The following STK32B variants were observed in gnomAD, a reference collection of about 807,000 sequenced individuals.
STK32B encodes serine/threonine kinase 32B, also known as serine/threonine-protein kinase 32B.
A neutral mutation model predicts 52.6 loss-of-function variants in STK32B; 43 were observed. That is an observed-to-expected ratio of 0.82 (90% CI 0.64 to 1.05). STK32B has a LOEUF of 1.05. Among genes scored for constraint, STK32B ranks in the 50% least tolerant of loss-of-function variants. STK32B has a pLI of 0.00. For synonymous variants in STK32B, 238 were observed against 204.3 expected (o/e 1.17, Z -1.41); for missense variants, 621 against 534.6 (o/e 1.16, Z -1.59).
At chr4:5,424,777 C>T (rs1222301764) in intron 6 of STK32B, among the ~76,000 whole-genome samples, 2 of 112,024 alleles carry the variant, frequency 1.8e-5, no homozygotes, top group African/African-American at 6.8e-5. Context: ...GTAACACAAA[C>T]AGGGCTGAAA....
At chr4:5,369,581 C>T (rs1177405474) in intron 4 of STK32B, among the ~76,000 whole-genome samples, 1 of 152,106 alleles carries the variant, frequency 6.6e-6, no homozygotes, top group Non-Finnish European at 1.5e-5. Flanking sequence ...AGAAGGTGGG[C>T]GTCCTCATGG....
chr4:5,220,137 C>T (rs1412603732), intron 3 of STK32B, among the ~76,000 whole-genome samples: 1 of 152,116 alleles, frequency 6.6e-6, no homozygotes, highest in African/African-American at 2.4e-5. Flanking sequence ...TTTAGAGTCC[C>T]AACCAGAAGA....
chr4:5,467,890 G>A lies in STK32B; in HGVS notation c.1042-116G>A, dbSNP rs906887365. 6.7e-5 allele frequency: 79 copies of A among 1,173,396 alleles called. 2 individuals carry two copies. The South Asian group carries it at 8.1e-4, about 12-fold the overall frequency. 72.7% of individuals were successfully genotyped at this position (1,173,396 alleles called of 1,614,324 possible). On this transcript the variant is annotated intron_variant, in intron 10 of 11. Transcript: ENST00000282908. This position sits in a 1 kb window ranked among gnomAD's most constrained non-coding sequence, Gnocchi z 5.8. The stretch of plus-strand genomic sequence containing the variant: ...CCAGACACTTAGCTTGGCTTGTCCC[G>A]GTCCCAAGCATCTGAGGTTTCCATC...
chr4:5,148,043 T>G (rs1717048924), intron 2 of STK32B, among the ~76,000 whole-genome samples: 1 of 151,942 alleles, frequency 6.6e-6, no homozygotes, highest in African/African-American at 2.4e-5. Context: ...TTCTTTCTAG[T>G]AAGGCTTTTG....
At chr4:5,443,455 C>G (rs1714997449) in intron 6 of STK32B, among the ~76,000 whole-genome samples, 1 of 152,216 alleles carries the variant, frequency 6.6e-6, no homozygotes, top group East Asian at 1.9e-4. Context: ...TCAGCTCCAT[C>G]AGCTCCTTTA....
intron 1 of STK32B, among the ~76,000 whole-genome samples, chr4:5,079,588 C>T (rs187579313): frequency 5.5e-4 from 84 of 152,172 alleles, no homozygotes; most frequent in Middle Eastern, 3.4e-3. Context: ...TTATCTTCAC[C>T]CTTAAACAGC....
In STK32B at chr4:5,172,932, C is replaced by G. The variant is rs532544663; in HGVS notation, c.260+4482C>G. ...TAGTAGAATTCGGCTGTGAATCCGT[C>G]TGGTCCTGGAATTTTTTTAGTTGGT... On this transcript the variant is annotated intron_variant, in intron 3 of 11. Transcript: ENST00000282908. Among the ~76,000 whole-genome samples the G allele has an allele frequency of 2.0e-5, 3 of 152,300 alleles. No homozygotes were observed. The South Asian group carries it at 6.2e-4, about 32-fold the overall frequency.
At chr4:5,322,978 C>T (rs1000987078) in intron 3 of STK32B, among the ~76,000 whole-genome samples, 1 of 152,192 alleles carries the variant, frequency 6.6e-6, no homozygotes, top group Non-Finnish European at 1.5e-5. Context: ...GACCTAGTGA[C>T]CTTGGACCAG....
At chr4:5,126,952 G>A (rs1715401383) in intron 1 of STK32B, among the ~76,000 whole-genome samples, 2 of 152,118 alleles carry the variant, frequency 1.3e-5, no homozygotes, top group Admixed American at 6.5e-5. Flanking sequence ...AAGGGGAGTG[G>A]TGATAGGTAA....
intron 9 of STK32B, among the ~76,000 whole-genome samples, chr4:5,462,110 C>T (rs1423218748): frequency 6.6e-6 from 1 of 151,844 alleles, no homozygotes; most frequent in African/African-American, 2.4e-5. Context: ...TGTGTGTATG[C>T]CTGTGCATCT....
At chr4:5,268,369 C>T (rs903699616) in intron 3 of STK32B, among the ~76,000 whole-genome samples, 2 of 152,092 alleles carry the variant, frequency 1.3e-5, no homozygotes, top group African/African-American at 2.4e-5. Context: ...CTGCCTCGAC[C>T]GCTCTGCCCC....
At chr4:5,150,766 A>G (rs1717297500) in intron 2 of STK32B, among the ~76,000 whole-genome samples, 1 of 152,136 alleles carries the variant, frequency 6.6e-6, no homozygotes, top group South Asian at 2.1e-4. Context: ...GATTTCTCAG[A>G]AAGAGTTGTA....
rs918313363 is a variant in STK32B, at chr4:5,378,106, A to G, written c.435-20101A>G. Among the ~76,000 whole-genome samples the G allele has an allele frequency of 6.6e-6, 1 of 152,260 alleles. No homozygotes were observed. The highest frequency in any genetic ancestry group is 1.5e-5 in the Non-Finnish European group (1 of 68,050). ...ACCAAGTTGAGACATTCTTCCTGAC[A>G]TAATTAGGAAAATTAAAAAGAACTG... is the stretch of plus-strand genomic sequence containing the variant. On this transcript the variant is annotated intron_variant, in intron 4 of 11. Coordinates refer to ENST00000282908, the MANE Select transcript of STK32B (RefSeq NM_018401.3). This position sits in a 1 kb window ranked among gnomAD's most constrained non-coding sequence, Gnocchi z 4.4.
At chr4:5,173,558 T>C (rs181829633) in intron 3 of STK32B, among the ~76,000 whole-genome samples, 1 of 152,216 alleles carries the variant, frequency 6.6e-6, no homozygotes, top group Non-Finnish European at 1.5e-5. Flanking sequence ...CATTTCGTTA[T>C]GTACCCAGTA....
intron 3 of STK32B, among the ~76,000 whole-genome samples, chr4:5,204,512 C>G (rs2108778930): frequency 7.2e-6 from 1 of 139,010 alleles, no homozygotes; most frequent in South Asian, 2.3e-4. Context: ...CTCTGTTACC[C>G]AGGCTGGAGA....
chr4:5,331,070 C>T, intron 3 of STK32B, 150 bp from the exon 4 acceptor site: 1 of 643,926 alleles, frequency 1.6e-6, no homozygotes, highest in Non-Finnish European at 2.4e-6. Context: ...GCCTTTTCCC[C>T]TTCCCCTCCA....
At chr4:5,099,139 C>G (rs948948754) in intron 1 of STK32B, among the ~76,000 whole-genome samples, 4 of 152,128 alleles carry the variant, frequency 2.6e-5, no homozygotes, top group Admixed American at 2.0e-4. Flanking sequence ...CTCATGACCT[C>G]CTGTCTTCAA....
chr4:5,365,701 A>G (rs1178744869), intron 4 of STK32B, among the ~76,000 whole-genome samples: 1 of 152,102 alleles, frequency 6.6e-6, no homozygotes, highest in Non-Finnish European at 1.5e-5. Context: ...CAACATTTTA[A>G]CACCCATTTT....
intron 3 of STK32B, among the ~76,000 whole-genome samples, chr4:5,197,263 C>G (rs897189289): frequency 3.3e-5 from 5 of 152,158 alleles, no homozygotes; most frequent in African/African-American, 4.8e-5. Flanking sequence ...GTAGGAGGTG[C>G]CCAGCTCTGT....
Sources: allele counts gnomAD v4.1 joint callset (sites outside exome capture counted in the v4.1 genomes callset), GRCh38; gene constraint gnomAD v4.1.1; non-coding constraint Gnocchi (gnomAD v3.1); transcripts MANE v1.5; gene names NCBI Gene and HGNC (gene_info 2026-07-23, HGNC 2026-07-21).